Variants in PTGS2 observed in about 807,000 individuals in gnomAD.
The protein encoded by PTGS2 is prostaglandin G/H synthase 2.
A neutral mutation model predicts 63.8 loss-of-function variants in PTGS2; 14 were observed. The ratio of observed to expected loss-of-function variants is 0.22; its 90% CI spans 0.14 to 0.34. The LOEUF (loss-of-function observed/expected upper bound fraction) is 0.34. Among genes scored for constraint, PTGS2 ranks in the 10% least tolerant of loss-of-function variants. The pLI, the probability that PTGS2 is intolerant of heterozygous loss-of-function variation, is 1.00. For missense variants in PTGS2, 533 were observed against 738.5 expected (o/e 0.72, Z 3.23); for synonymous variants, 271 against 259.5 (o/e 1.04, Z -0.43).
At chr1:186,678,666 A>G (rs1176910009) in intron 3 of PTGS2, among the ~76,000 whole-genome samples, 4 of 152,206 alleles carry the variant, frequency 2.6e-5, no homozygotes, top group Non-Finnish European at 5.9e-5. Context: ...CAAGAGGCCT[A>G]TGAAAGGAAT....
intron 5 of PTGS2, 87 bp downstream of exon 5, chr1:186,677,558 GATCT>G (rs529660282): frequency 1.5e-5 from 19 of 1,243,182 alleles, no homozygotes; most frequent in Non-Finnish European, 2.0e-5. Context: ...AAGTTATTTG[GATCT>G]ATCTATCTGT....
rs1571808344 is a variant in PTGS2, at chr1:186,673,222, G to A, written c.*1131C>T. 6.6e-6 allele frequency: 1 copy of A among 152,106 alleles called. No individual in the cohort carries two copies. Among genetic ancestry groups the A allele is most frequent in the African/African-American group, 2.4e-5 (1 of 41,424 alleles). 9.4% of individuals were successfully genotyped at this position (152,106 alleles called of 1,614,324 possible). A position where few individuals can be genotyped will look rare whatever the true frequency, so the allele number is the denominator to read the frequency against. ...AGCATTTTGAAGAGGTATTTTATGAGGTCATTGCTACTTTTGCAATGTGAT... is the reference window on the plus strand; with the variant it reads ...AGCATTTTGAAGAGGTATTTTATGAAGTCATTGCTACTTTTGCAATGTGAT... On this transcript the variant is annotated 3_prime_UTR_variant, in exon 10 of 10. Transcript: ENST00000367468.
In PTGS2 at chr1:186,673,022, TAAAACTAGTAA is replaced by T. The variant is rs796428843; in HGVS notation, c.*1320_*1330del. The T allele has an allele frequency of 2.0e-5, 3 of 152,148 alleles. No homozygotes were observed. The highest frequency in any genetic ancestry group is 7.2e-5 in the African/African-American group (3 of 41,526). 9.4% of individuals were successfully genotyped at this position (152,148 alleles called of 1,614,324 possible). A position where few individuals can be genotyped will look rare whatever the true frequency, so the allele number is the denominator to read the frequency against. On this transcript the variant is annotated 3_prime_UTR_variant, in exon 10 of 10. Transcript: ENST00000367468. ...GTCCAAAGAAAGTGAACTCTGATCT[TAAAACTAGTAA>T]AACAAAATAGGAGAAACGAAGTGAT...
chr1:186,678,979 T>C, intron 3 of PTGS2, 79 bp downstream of exon 3: 7 of 1,468,378 alleles, frequency 4.8e-6, no homozygotes, highest in Non-Finnish European at 5.5e-6. Flanking sequence ...GAAATATGTT[T>C]TTAGATTAGG....
In PTGS2 at chr1:186,680,408, A is replaced by G. The variant is rs4648257; in HGVS notation, c.-118T>C. 1.3e-5 allele frequency: 9 copies of G among 674,980 alleles called. No individual in the cohort carries two copies. The highest frequency in any genetic ancestry group is 2.2e-5 in the Non-Finnish European group (9 of 413,506). The allele number at this position is 674,980 out of a possible 1,614,324, so 41.8% of individuals were successfully genotyped here. On this transcript the variant is annotated 5_prime_UTR_variant, in exon 1 of 10. Coordinates refer to ENST00000367468, the MANE Select transcript of PTGS2 (RefSeq NM_000963.4). ...TGGACGTGCTCCTGACGCTCACTGC[A>G]AGTCGTATGACAATTGGTCGCTAAC... is the stretch of plus-strand genomic sequence containing the variant.
chr1:186,673,044 G>C lies in PTGS2; in HGVS notation c.*1309C>G, dbSNP rs1306798151. ...TCTTAAAACTAGTAAAACAAAATAG[G>C]AGAAACGAAGTGATGAGAAGACTGT... is the stretch of plus-strand genomic sequence containing the variant. On this transcript the variant is annotated 3_prime_UTR_variant, in exon 10 of 10. Coordinates refer to ENST00000367468, the MANE Select transcript of PTGS2 (RefSeq NM_000963.4). 6.6e-6 allele frequency: 1 copy of C among 152,028 alleles called. No homozygotes were observed. The highest frequency in any genetic ancestry group is 1.5e-5 in the Non-Finnish European group (1 of 67,976). The allele number at this position is 152,028 out of a possible 1,614,324, so 9.4% of individuals were successfully genotyped here. A position where few individuals can be genotyped will look rare whatever the true frequency, so the allele number is the denominator to read the frequency against.
intron 3 of PTGS2, 111 bp downstream of exon 3, chr1:186,678,947 T>C: frequency 1.5e-6 from 2 of 1,331,304 alleles, no homozygotes. Context: ...AAAGCTATCT[T>C]AAAGTCTTTT....
chr1:186,676,827 G>A lies in PTGS2; in HGVS notation c.723+6C>T. On this transcript the variant is annotated splice_donor_region_variant and intron_variant, in intron 6 of 9. Transcript: ENST00000367468. The stretch of plus-strand genomic sequence containing the variant: ...AACTAAGTCTTAATAGTCAAAGGAA[G>A]CATACCTGATATTTCATTTTTCCAT... 6.2e-7 allele frequency: 1 copy of A among 1,609,052 alleles called. No homozygotes were observed. The highest frequency in any genetic ancestry group is 8.5e-7 in the Non-Finnish European group (1 of 1,177,980).
At position 186,679,327 on chromosome 1, in the gene PTGS2, G is replaced by A. The variant is rs1256555548; in HGVS notation, c.164C>T (p.Ser55Leu). 2 of 1,614,052 alleles carry A rather than the reference G, an allele frequency of 1.2e-6. No individual in the cohort carries two copies. Among genetic ancestry groups the A allele is most frequent in the Non-Finnish European group, 1.7e-6 (2 of 1,179,940 alleles). ...CAACCAAAGGACAAACTTACGTGTT[G>A]AGCAGTTTTCTCCATAGAATCCTGT... ...TRTGFYGENCSTPEFLTRIKL... is the reference protein window; with the variant it reads ...TRTGFYGENCLTPEFLTRIKL... The change falls in exon 2 of 10, where the codon TCA (serine) becomes TTA (leucine). Residue 55 changes from serine to leucine, a missense_variant. Coordinates refer to ENST00000367468, the MANE Select transcript of PTGS2 (RefSeq NM_000963.4).
rs888049834 is a variant in PTGS2, at chr1:186,672,968, A to T, written c.*1385T>A. The T allele has an allele frequency of 6.6e-6, 1 of 152,142 alleles. No individual in the cohort carries two copies. The highest frequency in any genetic ancestry group is 1.5e-5 in the Non-Finnish European group (1 of 67,990). The allele number at this position is 152,142 out of a possible 1,614,324, so 9.4% of individuals were successfully genotyped here. On this transcript the variant is annotated 3_prime_UTR_variant, in exon 10 of 10. Coordinates refer to ENST00000367468, the MANE Select transcript of PTGS2 (RefSeq NM_000963.4). ...AGCTGAGGTTTACCTGAAAACTTGCAAAAGTTCAGGTAAGAAAATATAGGC... is the reference window on the plus strand; with the variant it reads ...AGCTGAGGTTTACCTGAAAACTTGCTAAAGTTCAGGTAAGAAAATATAGGC...
chr1:186,679,282 C>T, intron 2 of PTGS2, 40 bp downstream of exon 2: 1 of 1,611,756 alleles, frequency 6.2e-7, no homozygotes, highest in Admixed American at 1.7e-5. Flanking sequence ...TAACTGTATC[C>T]AGCCCCACTC....
intron 5 of PTGS2, 118 bp downstream of exon 5, chr1:186,677,531 T>C (rs1665802269): frequency 4.4e-6 from 5 of 1,135,368 alleles, no homozygotes; most frequent in Non-Finnish European, 6.0e-6. Context: ...TAAGACTTCT[T>C]TTTAAAAAAA....
rs1290298623 is a variant in PTGS2 at position 186,672,199 on chromosome 1, A to G, written c.*2154T>C. The G allele has an allele frequency of 6.6e-6, 1 of 152,108 alleles. No homozygotes were observed. The highest frequency in any genetic ancestry group is 1.5e-5 in the Non-Finnish European group (1 of 67,968). 9.4% of individuals were successfully genotyped at this position (152,108 alleles called of 1,614,324 possible). On this transcript the variant is annotated 3_prime_UTR_variant, in exon 10 of 10. Coordinates refer to ENST00000367468, the MANE Select transcript of PTGS2 (RefSeq NM_000963.4). Reference sequence around the variant, plus strand: ...TCTGTAATCAGCGTTTGATTTAAAAATATTAAAACCCACAGTGCTTGACAC... The same window carrying G: ...TCTGTAATCAGCGTTTGATTTAAAAGTATTAAAACCCACAGTGCTTGACAC...
At position 186,672,040 on chromosome 1, in the gene PTGS2, C is replaced by G. The variant is rs1047442397; in HGVS notation, c.*2313G>C. 2 of 151,732 alleles carry G rather than the reference C, an allele frequency of 1.3e-5. No homozygotes were observed. The highest frequency in any genetic ancestry group is 4.8e-5 in the African/African-American group (2 of 41,350). 9.4% of individuals were successfully genotyped at this position (151,732 alleles called of 1,614,324 possible). A position where few individuals can be genotyped will look rare whatever the true frequency, so the allele number is the denominator to read the frequency against. ...TTTTATACAAGCATATTGACTATTTCTTTCTTAACCTTAAACATTCTAAAC... is the reference window on the plus strand; with the variant it reads ...TTTTATACAAGCATATTGACTATTTGTTTCTTAACCTTAAACATTCTAAAC... On this transcript the variant is annotated 3_prime_UTR_variant, in exon 10 of 10. Transcript: ENST00000367468.
Position 186,672,947 on chromosome 1 carries a change from G to A in PTGS2, c.*1406C>T, listed in dbSNP as rs1391826411. 6.6e-6 allele frequency: 1 copy of A among 151,978 alleles called. No individual in the cohort carries two copies. Among genetic ancestry groups the A allele is most frequent in the Non-Finnish European group, 1.5e-5 (1 of 67,970 alleles). The allele number at this position is 151,978 out of a possible 1,614,324, so 9.4% of individuals were successfully genotyped here. A position where few individuals can be genotyped will look rare whatever the true frequency, so the allele number is the denominator to read the frequency against. On this transcript the variant is annotated 3_prime_UTR_variant, in exon 10 of 10. Coordinates refer to ENST00000367468, the MANE Select transcript of PTGS2 (RefSeq NM_000963.4). ...AGGAGCTAAATAGCAGTCCTGAGCT[G>A]AGGTTTACCTGAAAACTTGCAAAAG...
rs4648288 is a variant in PTGS2 at position 186,674,671 on chromosome 1, C to T, written c.1497G>A (p.Arg499=). 504 of 1,614,204 alleles carry T rather than the reference C, an allele frequency of 3.1e-4. No individual in the cohort carries two copies. The highest frequency in any genetic ancestry group is 4.2e-4 in the Admixed American group (25 of 60,022). Reference sequence around the variant, plus strand: ...TGGTTTCACCAAAGATGGCATCTGGCCGAGGCTTTTCTACCAGAAGGGCAG... The same window carrying T: ...TGGTTTCACCAAAGATGGCATCTGGTCGAGGCTTTTCTACCAGAAGGGCAG... The part of the protein sequence containing the change: ...LYPALLVEKP[R]PDAIFGETMV... Residue 499 remains arginine, a synonymous_variant, in exon 10 of 10, where the codon CGG becomes CGA. Transcript: ENST00000367468.
chr1:186,677,608 G>A, intron 5 of PTGS2, 41 bp downstream of exon 5: 1 of 1,498,956 alleles, frequency 6.7e-7, no homozygotes, highest in South Asian at 1.3e-5. Context: ...ACTATGATTT[G>A]GTATAATTTT....
rs200312413 is a variant in PTGS2 at position 186,672,662 on chromosome 1, T to G, written c.*1691A>C. Reference sequence around the variant, plus strand: ...GAGATGTGGAAAAGAAGTATTATCGTCATTATTATTATTGCTGAGAACTAC... The same window carrying G: ...GAGATGTGGAAAAGAAGTATTATCGGCATTATTATTATTGCTGAGAACTAC... On this transcript the variant is annotated 3_prime_UTR_variant, in exon 10 of 10. Transcript: ENST00000367468. 5.9e-5 allele frequency: 9 copies of G among 152,566 alleles called. No homozygotes were observed. Among genetic ancestry groups the G allele is most frequent in the Non-Finnish European group, 1.2e-4 (8 of 67,996 alleles). The allele number at this position is 152,566 out of a possible 1,614,324, so 9.5% of individuals were successfully genotyped here.
Position 186,675,913 on chromosome 1 carries a change from C to T in PTGS2, c.1242G>A (p.Arg414=). The T allele has an allele frequency of 1.9e-6, 3 of 1,609,098 alleles. No homozygotes were observed. Among genetic ancestry groups the T allele is most frequent in the Non-Finnish European group, 2.6e-6 (3 of 1,176,352 alleles). The change falls in exon 8 of 10, where the codon AGG becomes AGA. Residue 414 remains arginine (R), a synonymous_variant. Transcript: ENST00000367468. ...GITQFVESFT[R]QIAGRVAGGR... is the part of the protein sequence containing the mutation. ...TAATGCTTACCCTGCCAGCAATTTG[C>T]CTGGTGAATGATTCAACAAACTGGG...
Sources: gnomAD v4.1 joint callset for allele counts (sites outside exome capture counted in the v4.1 genomes callset) on GRCh38, gnomAD v4.1.1 for gene constraint, MANE v1.5 for transcripts, NCBI Gene and HGNC (gene_info 2026-07-23, HGNC 2026-07-21) for gene names.